The following ENTPD7 variants were observed in gnomAD, a reference collection of about 807,000 sequenced individuals.
The protein encoded by ENTPD7 is NTPDase 7.
In ENTPD7, 53 loss-of-function variants were observed where a neutral mutation model predicts 77.9. The ratio of observed to expected loss-of-function variants is 0.68; its 90% CI spans 0.55 to 0.85. The LOEUF (loss-of-function observed/expected upper bound fraction) is 0.85. Ranked by LOEUF, ENTPD7 falls within the 40% of genes least tolerant of loss-of-function variation. The pLI, the probability that ENTPD7 is intolerant of heterozygous loss-of-function variation, is 0.00. For synonymous variants in ENTPD7, 248 were observed against 274.9 expected (o/e 0.90, Z 0.97); for missense variants, 636 against 743.7 (o/e 0.86, Z 1.68).
At chr10:99,677,966 C>T (rs1306614840) in intron 3 of ENTPD7, among the ~76,000 whole-genome samples, 5 of 152,150 alleles carry the variant, frequency 3.3e-5, no homozygotes, top group Non-Finnish European at 7.4e-5. Flanking sequence ...CTTGTTTCAT[C>T]TTCCTGATGT....
At chr10:99,669,740 GTTTTTTTTTTTTT>G (rs71472510) in intron 3 of ENTPD7, among the ~76,000 whole-genome samples, 2 of 59,256 alleles carry the variant, frequency 3.4e-5, no homozygotes, top group African/African-American at 1.3e-4. Flanking sequence ...TAGATGTGTG[GTTTTTTTTTTTTT>G]TTTTTTTTTT....
chr10:99,688,404 C>T (rs2035839837), intron 6 of ENTPD7, among the ~76,000 whole-genome samples: 1 of 152,124 alleles, frequency 6.6e-6, no homozygotes, highest in African/African-American at 2.4e-5. Flanking sequence ...CCAAAATTTA[C>T]ATTTTTTCTT....
rs1431624299 is a variant in ENTPD7 at position 99,702,602 on chromosome 10, G to T, written c.1512G>T (p.Gln504His). 6.2e-7 allele frequency: 1 copy of T among 1,613,788 alleles called. No individual in the cohort carries two copies. The highest frequency in any genetic ancestry group is 1.7e-5 in the Admixed American group (1 of 59,996). The change falls in exon 12 of 13, where the codon CAG becomes CAT. Residue 504 changes from glutamine (Q) to histidine (H), a missense_variant. Gln to His is a conservative substitution (Grantham distance 24). This residue lies in a region of ENTPD7 where 138 missense variants were observed against 150.9 expected (regional missense o/e 0.91). Transcript: ENST00000370489. ...ACTACCCAAACCTGCGGACAGCCCA[G>T]CTGGTGTATGACCGAGAGGTTCAGT... Reference protein sequence around the residue: ...PYDYPNLRTAQLVYDREVQWT... With the variant: ...PYDYPNLRTAHLVYDREVQWT...
chr10:99,693,346 T>C (rs963158895), intron 8 of ENTPD7, among the ~76,000 whole-genome samples: 1 of 152,156 alleles, frequency 6.6e-6, no homozygotes, highest in African/African-American at 2.4e-5. Flanking sequence ...CACAGGACTG[T>C]TGGAAATGTG....
At chr10:99,669,576 A>G (rs987205123) in intron 3 of ENTPD7, among the ~76,000 whole-genome samples, 1 of 152,082 alleles carries the variant, frequency 6.6e-6, no homozygotes, top group African/African-American at 2.4e-5. Context: ...GGTGTCAGTA[A>G]GGATAGAATC....
At position 99,661,554 on chromosome 10, in the gene ENTPD7, T is replaced by A; in HGVS notation, c.117T>A (p.Cys39Ter). 6.2e-7 allele frequency: 1 copy of A among 1,613,928 alleles called. No homozygotes were observed. Among genetic ancestry groups the A allele is most frequent in the Non-Finnish European group, 8.5e-7 (1 of 1,179,944 alleles). Residue 39 changes from cysteine to a stop codon, truncating the protein, a stop_gained, in exon 3 of 13, where the codon TGT (cysteine) becomes TGA (stop). Transcript: ENST00000370489. LOFTEE classifies it high-confidence loss of function. ...TCCTGGGACTCTTCTTCATATCCTG[T>A]CTCCTTTTACTTATGTTAATCATAG... ...VAFLGLFFIS[C>*]LLLLMLIIDF...
chr10:99,703,702 A>C (rs1033747388), intron 12 of ENTPD7, among the ~76,000 whole-genome samples: 4 of 152,066 alleles, frequency 2.6e-5, no homozygotes, highest in Non-Finnish European at 5.9e-5. Context: ...GATCCTAAGG[A>C]AACATAGTAC....
chr10:99,662,696 G>A (rs1003450303), intron 3 of ENTPD7, among the ~76,000 whole-genome samples: 11 of 152,056 alleles, frequency 7.2e-5, no homozygotes, highest in African/African-American at 1.2e-4. Flanking sequence ...CAAATTGTTC[G>A]TTGGTATTCA....
At position 99,706,285 on chromosome 10, in the gene ENTPD7, T is replaced by C. The variant is rs1346972303; in HGVS notation, c.*1602T>C. ...GTAGATAAAAAGATGACCAGTCTTGTATTGTTTTAAAATTAGATAAACATG... is the reference window on the plus strand; with the variant it reads ...GTAGATAAAAAGATGACCAGTCTTGCATTGTTTTAAAATTAGATAAACATG... On this transcript the variant is annotated 3_prime_UTR_variant, in exon 13 of 13. Transcript: ENST00000370489. 6.6e-6 allele frequency: 1 copy of C among 152,076 alleles called. No homozygotes were observed. The highest frequency in any genetic ancestry group is 2.4e-5 in the African/African-American group (1 of 41,430). The allele number at this position is 152,076 out of a possible 1,614,324, so 9.4% of individuals were successfully genotyped here.
At chr10:99,661,892 T>G (rs181578271) in intron 3 of ENTPD7, among the ~76,000 whole-genome samples, 1 of 152,354 alleles carries the variant, frequency 6.6e-6, no homozygotes, top group African/African-American at 2.4e-5. Context: ...TAGGACTGTA[T>G]TATACCTTTA....
intron 3 of ENTPD7, among the ~76,000 whole-genome samples, chr10:99,667,433 G>A (rs1405214020): frequency 6.6e-6 from 1 of 152,218 alleles, no homozygotes; most frequent in Non-Finnish European, 1.5e-5. Context: ...TTCCCAGTGA[G>A]ATAATAGTTT....
chr10:99,704,433 ATTC>A lies in ENTPD7; in HGVS notation c.1584-16_1584-14del. 2 of 1,613,600 alleles carry A rather than the reference ATTC, an allele frequency of 1.2e-6. No individual in the cohort carries two copies. Among genetic ancestry groups the A allele is most frequent in the Non-Finnish European group, 1.7e-6 (2 of 1,179,572 alleles). Reference sequence around the variant, plus strand: ...ACTTAACAGTTTTTTCCACCTACAAATTCTTAATTCTTCCCTAGGGATCTTCGG... The same window carrying A: ...ACTTAACAGTTTTTTCCACCTACAAATTAATTCTTCCCTAGGGATCTTCGG... On this transcript the variant is annotated splice_polypyrimidine_tract_variant and intron_variant, in intron 12 of 12. Transcript: ENST00000370489.
intron 3 of ENTPD7, among the ~76,000 whole-genome samples, chr10:99,674,950 T>C (rs1564628871): frequency 1.3e-5 from 2 of 152,238 alleles, no homozygotes; most frequent in Non-Finnish European, 2.9e-5. Context: ...TTCTATGTGA[T>C]GAAAGGGGAA....
intron 9 of ENTPD7, 132 bp from the exon 10 acceptor site, chr10:99,698,402 C>T: frequency 1.2e-6 from 1 of 847,496 alleles, no homozygotes; most frequent in Non-Finnish European, 1.8e-6. Context: ...TGAAATTGCA[C>T]TCCATCCTCG....
rs774565959 is a variant in ENTPD7, at chr10:99,702,497, A to AT, written c.1422-10dup. The AT allele has an allele frequency of 5.3e-6, 8 of 1,517,706 alleles. No homozygotes were observed. In the Admixed American group the frequency reaches 1.4e-4, roughly 27 times the overall value. 94.0% of individuals were successfully genotyped at this position (1,517,706 alleles called of 1,614,324 possible). On this transcript the variant is annotated splice_polypyrimidine_tract_variant and intron_variant, in intron 11 of 12. Transcript: ENST00000370489. ...TTTTCTCTTTTTTTAAAATTTAATT[A>AT]TTTTTGTCACACAGATATCAGTGTT... is the stretch of plus-strand genomic sequence containing the variant.
At chr10:99,678,848 T>C (rs1357157042) in intron 3 of ENTPD7, among the ~76,000 whole-genome samples, 1 of 149,054 alleles carries the variant, frequency 6.7e-6, no homozygotes, top group African/African-American at 2.5e-5. Flanking sequence ...TGGATGCATC[T>C]ATACAGAAAG....
At chr10:99,686,364 A>T (rs1366291242) in intron 6 of ENTPD7, among the ~76,000 whole-genome samples, 2 of 152,114 alleles carry the variant, frequency 1.3e-5, no homozygotes, top group Non-Finnish European at 2.9e-5. Flanking sequence ...AATTCCCTGG[A>T]ATCTCACACT....
In ENTPD7 at chr10:99,704,841, C is replaced by A; in HGVS notation, c.*158C>A. On this transcript the variant is annotated 3_prime_UTR_variant, in exon 13 of 13. Transcript: ENST00000370489. ...TTTCTACCGTAATTCCTTCTCCGTA[C>A]CCAGGTCTTCTCTGAGAGAAGCTAT... 1 of 671,728 alleles carries A rather than the reference C, an allele frequency of 1.5e-6. No homozygotes were observed. Among genetic ancestry groups the A allele is most frequent in the Non-Finnish European group, 2.5e-6 (1 of 399,868 alleles). 41.6% of individuals were successfully genotyped at this position (671,728 alleles called of 1,614,324 possible).
At chr10:99,682,732 A>G (rs1388588961) in intron 5 of ENTPD7, among the ~76,000 whole-genome samples, 1 of 152,226 alleles carries the variant, frequency 6.6e-6, no homozygotes, top group Non-Finnish European at 1.5e-5. Context: ...GGTGATATTC[A>G]TATTGTTCAA....
Sources: gnomAD v4.1 joint callset for allele counts (sites outside exome capture counted in the v4.1 genomes callset) on GRCh38, gnomAD v4.1.1 for gene constraint, gnomAD v4.1.1 regional missense constraint, MANE v1.5 for transcripts, NCBI Gene and HGNC (gene_info 2026-07-23, HGNC 2026-07-21) for gene names.